The following CYRIA variants were observed in gnomAD, a reference collection of about 807,000 sequenced individuals.
CYRIA encodes CYFIP related Rac1 interactor A.
Under a neutral mutation model 43.9 loss-of-function variants are expected in CYRIA, and 15 were observed. That is an observed-to-expected ratio of 0.34 (90% CI 0.23 to 0.53). The LOEUF is 0.53. CYRIA is among the 20% of genes least tolerant of loss of function. CYRIA has a pLI of 0.94. For missense variants in CYRIA, 236 were observed against 394.2 expected (o/e 0.60, Z 3.40); for synonymous variants, 117 against 136.0 (o/e 0.86, Z 0.97).
chr2:16,583,159 T>C (rs1667609654), intron 3 of CYRIA, among the ~76,000 whole-genome samples: 1 of 152,204 alleles, frequency 6.6e-6, no homozygotes, highest in Non-Finnish European at 1.5e-5. Flanking sequence ...GTTTATTTTC[T>C]TTGGAGAAAT....
chr2:16,644,613 T>C (rs753836525), intron 1 of CYRIA, among the ~76,000 whole-genome samples: 5 of 152,212 alleles, frequency 3.3e-5, no homozygotes, highest in Non-Finnish European at 5.9e-5. Context: ...AAGACACTTG[T>C]CATTACCAAA....
intron 1 of CYRIA, among the ~76,000 whole-genome samples, chr2:16,639,622 C>T (rs1572196820): frequency 6.6e-6 from 1 of 152,234 alleles, no homozygotes; most frequent in East Asian, 1.9e-4. Flanking sequence ...ATTAGCATAA[C>T]GTCCCATTGT....
At chr2:16,581,156 AAG>A (rs1667536166) in intron 3 of CYRIA, among the ~76,000 whole-genome samples, 1 of 152,202 alleles carries the variant, frequency 6.6e-6, no homozygotes. Flanking sequence ...ATAAGAAAAT[AAG>A]TAGGTAAGCC....
chr2:16,586,182 C>T (rs1667723295), intron 3 of CYRIA, among the ~76,000 whole-genome samples: 1 of 152,018 alleles, frequency 6.6e-6, no homozygotes, highest in Admixed American at 6.6e-5. Context: ...CTTTATACAC[C>T]CCCACAGTTG....
At chr2:16,654,863 GC>G (rs1670065980) in intron 1 of CYRIA, among the ~76,000 whole-genome samples, 1 of 152,156 alleles carries the variant, frequency 6.6e-6, no homozygotes, top group South Asian at 2.1e-4. Flanking sequence ...ACTGGACTGG[GC>G]AAGCTATAAG....
rs750169542 is a variant in CYRIA, at chr2:16,565,802, G to A, written c.71-35C>T. ...AGGGAAACCGAGAGACAGAGTGCTGGTGTTTACAAATAGCTTGGGAGGAGG... is the reference window on the plus strand; with the variant it reads ...AGGGAAACCGAGAGACAGAGTGCTGATGTTTACAAATAGCTTGGGAGGAGG... On this transcript the variant is annotated intron_variant, in intron 3 of 11. Coordinates refer to ENST00000381323, the MANE Select transcript of CYRIA (RefSeq NM_030797.4). 6.6e-6 allele frequency: 10 copies of A among 1,508,170 alleles called. No homozygotes were observed. In the South Asian group the frequency reaches 1.1e-4, roughly 17 times the overall value. The allele number at this position is 1,508,170 out of a possible 1,614,324, so 93.4% of individuals were successfully genotyped here.
At chr2:16,589,368 T>C (rs951363860) in intron 2 of CYRIA, among the ~76,000 whole-genome samples, 2 of 152,114 alleles carry the variant, frequency 1.3e-5, no homozygotes, top group Admixed American at 6.6e-5. Context: ...CATGAGAATA[T>C]GTAGCAAGTG....
chr2:16,609,160 GAC>G (rs1398486546), intron 2 of CYRIA, among the ~76,000 whole-genome samples: 1 of 152,210 alleles, frequency 6.6e-6, no homozygotes, highest in African/African-American at 2.4e-5. Context: ...GGCGGCTGCA[GAC>G]ATTTGCTCAT....
intron 1 of CYRIA, among the ~76,000 whole-genome samples, chr2:16,624,556 C>T (rs1003324255): frequency 2.6e-5 from 4 of 152,278 alleles, no homozygotes; most frequent in East Asian, 3.9e-4. Context: ...CACAGTGACA[C>T]AGTGGGGAGT....
At chr2:16,648,361 G>C (rs1669877022) in intron 1 of CYRIA, among the ~76,000 whole-genome samples, 1 of 150,536 alleles carries the variant, frequency 6.6e-6, no homozygotes, top group African/African-American at 2.5e-5. Flanking sequence ...TGAATAGTAA[G>C]CATTTGGGAC....
intron 5 of CYRIA, 88 bp from the exon 6 acceptor site, chr2:16,562,229 T>C: frequency 7.1e-7 from 1 of 1,402,350 alleles, no homozygotes; most frequent in Non-Finnish European, 9.7e-7. Flanking sequence ...GTTGACAATC[T>C]CGGAGATCAC....
chr2:16,592,842 C>T (rs990293262), intron 2 of CYRIA, among the ~76,000 whole-genome samples: 4 of 152,172 alleles, frequency 2.6e-5, no homozygotes, highest in Non-Finnish European at 5.9e-5. Context: ...TCTAGTTTAA[C>T]CTGTTTGTAT....
chr2:16,604,699 T>C (rs1668329386), intron 2 of CYRIA, among the ~76,000 whole-genome samples: 1 of 152,260 alleles, frequency 6.6e-6, no homozygotes, highest in African/African-American at 2.4e-5. Context: ...ACCACTGGAA[T>C]GAAGTAGCTC....
At chr2:16,563,422 A>T (rs1666821730) in intron 5 of CYRIA, among the ~76,000 whole-genome samples, 1 of 152,144 alleles carries the variant, frequency 6.6e-6, no homozygotes, top group Admixed American at 6.5e-5. Context: ...TCTTCATTCA[A>T]GATATACTGT....
chr2:16,608,572 T>C (rs1668486383), intron 2 of CYRIA, among the ~76,000 whole-genome samples: 1 of 152,240 alleles, frequency 6.6e-6, no homozygotes, highest in South Asian at 2.1e-4. Context: ...GCATGAGCTT[T>C]GGAGACGTTG....
chr2:16,589,522 G>C (rs1278907319), intron 2 of CYRIA, among the ~76,000 whole-genome samples: 1 of 151,996 alleles, frequency 6.6e-6, no homozygotes. Flanking sequence ...AATTCCAGCT[G>C]TTTTCTACTA....
chr2:16,665,124 C>A (rs988852154), intron 1 of CYRIA, among the ~76,000 whole-genome samples: 22 of 152,180 alleles, frequency 1.4e-4, no homozygotes, highest in Non-Finnish European at 2.9e-5. Context: ...GTGTCTCCAC[C>A]AAAAAGCATG....
chr2:16,619,240 C>G (rs1668913422), intron 2 of CYRIA, among the ~76,000 whole-genome samples: 1 of 152,152 alleles, frequency 6.6e-6, no homozygotes, highest in Non-Finnish European at 1.5e-5. Context: ...GCACCATGCT[C>G]TGAGCTAGGT....
chr2:16,654,169 C>T (rs1473782826), intron 1 of CYRIA, among the ~76,000 whole-genome samples: 1 of 152,206 alleles, frequency 6.6e-6, no homozygotes, highest in Non-Finnish European at 1.5e-5. Context: ...TATAAAACTG[C>T]AGCCTGTGAA....
Sources: gnomAD v4.1 joint callset for allele counts (sites outside exome capture counted in the v4.1 genomes callset) on GRCh38, gnomAD v4.1.1 for gene constraint, MANE v1.5 for transcripts, NCBI Gene and HGNC (gene_info 2026-07-23, HGNC 2026-07-21) for gene names.